The following MYT1L variants were observed in gnomAD, a reference collection of about 807,000 sequenced individuals.
The protein encoded by MYT1L is myelin transcription factor 1 like.
Under a neutral mutation model 126.7 loss-of-function variants are expected in MYT1L, and 12 were observed. That is an observed-to-expected ratio of 0.09 (90% CI 0.06 to 0.15). The LOEUF (loss-of-function observed/expected upper bound fraction) is 0.15, where lower values mean the gene tolerates loss of function less well. Ranked by LOEUF, MYT1L falls within the 10% of genes least tolerant of loss-of-function variation. The pLI, the probability that MYT1L is intolerant of heterozygous loss-of-function variation, is 1.00. For missense variants in MYT1L, 979 were observed against 1,585.2 expected, an observed-to-expected ratio of 0.62 and a Z score of 6.49; for synonymous variants, 541 against 604.2, an observed-to-expected ratio of 0.90 and a Z score of 1.53.
intron 19 of MYT1L, 65 bp from the exon 20 acceptor site, chr2:1,840,908 T>C (rs950964895): frequency 6.6e-5 from 68 of 1,035,942 alleles, no homozygotes; most frequent in Middle Eastern, 3.2e-4. Context: ...TTCTTTCTTT[T>C]TTTTTTTTTT....
chr2:2,189,345 C>G (rs2092426835), intron 2 of MYT1L, among the ~76,000 whole-genome samples: 3 of 152,162 alleles, frequency 2.0e-5, no homozygotes, highest in South Asian at 4.1e-4. Flanking sequence ...GGGGTCTTCC[C>G]TCATGCAACT....
At chr2:1,821,348 C>T (rs987343384) in intron 21 of MYT1L, among the ~76,000 whole-genome samples, 5 of 152,110 alleles carry the variant, frequency 3.3e-5, no homozygotes, top group Middle Eastern at 3.4e-3. Flanking sequence ...CTTTTCTCAT[C>T]TCTTTATAAT....
intron 3 of MYT1L, among the ~76,000 whole-genome samples, chr2:2,091,145 C>T (rs543568787): frequency 6.6e-6 from 1 of 152,290 alleles, no homozygotes; most frequent in East Asian, 1.9e-4. Context: ...TTTCAATTGA[C>T]TTTGCCCAGA....
chr2:2,047,722 T>C (rs547240580), intron 4 of MYT1L, among the ~76,000 whole-genome samples: 146 of 152,336 alleles, frequency 9.6e-4, no homozygotes, highest in African/African-American at 3.4e-3. Flanking sequence ...AAATGGAAGA[T>C]GCTGCTAGTT....
At chr2:1,942,452 C>T (rs2056763653) in intron 9 of MYT1L, among the ~76,000 whole-genome samples, 1 of 152,202 alleles carries the variant, frequency 6.6e-6, no homozygotes, top group Non-Finnish European at 1.5e-5. Flanking sequence ...AGCAATACTA[C>T]TTCCTTTCAT....
At chr2:2,328,390 C>T (rs2149741948) in intron 1 of MYT1L, among the ~76,000 whole-genome samples, 1 of 152,276 alleles carries the variant, frequency 6.6e-6, no homozygotes, top group Non-Finnish European at 1.5e-5. Flanking sequence ...AAAGAAGTCT[C>T]ATTCTCTGAA....
chr2:2,209,015 C>A lies in MYT1L; in HGVS notation c.-420-36027G>T, dbSNP rs12620842. 6.4e-4 allele frequency among the ~76,000 whole-genome samples: 97 copies of A among 152,160 alleles called. 2 individuals are homozygous for A. The East Asian group carries it at 0.018, about 28-fold the overall frequency. ...GGAGGCATTTACACACACACACACA[C>A]ACACACACACCCCAAATAGATTCAA... On this transcript the variant is annotated intron_variant, in intron 2 of 24. Transcript: ENST00000647738.
chr2:1,857,009 C>T (rs2044001422), intron 18 of MYT1L, among the ~76,000 whole-genome samples: 1 of 152,208 alleles, frequency 6.6e-6, no homozygotes, highest in African/African-American at 2.4e-5. Context: ...CCATCACCTG[C>T]AGAGCAAGTG....
chr2:1,992,498 C>T (rs890970455), intron 5 of MYT1L, among the ~76,000 whole-genome samples: 2 of 152,166 alleles, frequency 1.3e-5, no homozygotes, highest in Admixed American at 6.5e-5. Flanking sequence ...GCCTTCTGTC[C>T]GGGAATTCTC....
At chr2:2,286,061 C>A (rs1040349162) in intron 1 of MYT1L, among the ~76,000 whole-genome samples, 1 of 152,172 alleles carries the variant, frequency 6.6e-6, no homozygotes, top group African/African-American at 2.4e-5. Context: ...CAGCTCACTG[C>A]AACCTCTGCC....
intron 3 of MYT1L, among the ~76,000 whole-genome samples, chr2:2,077,443 T>C (rs2075345386): frequency 6.6e-6 from 1 of 152,170 alleles, no homozygotes; most frequent in Non-Finnish European, 1.5e-5. Flanking sequence ...TTTTGAAAGT[T>C]GCAAGATAAA....
chr2:1,981,438 G>A (rs901083628), intron 5 of MYT1L, among the ~76,000 whole-genome samples: 7 of 152,304 alleles, frequency 4.6e-5, no homozygotes, highest in Middle Eastern at 3.4e-3. Context: ...TGAAAGGAAG[G>A]AAAAGAGACT....
At chr2:2,281,536 G>A (rs1333725909) in intron 2 of MYT1L, among the ~76,000 whole-genome samples, 1 of 152,218 alleles carries the variant, frequency 6.6e-6, no homozygotes, top group African/African-American at 2.4e-5. Context: ...GTCAACAACT[G>A]AGGCCAAAAT....
At chr2:2,026,990 G>A (rs1425425921) in intron 4 of MYT1L, among the ~76,000 whole-genome samples, 1 of 152,100 alleles carries the variant, frequency 6.6e-6, no homozygotes, top group Admixed American at 6.5e-5. Context: ...CCCAAGTGAC[G>A]CCCAGAGAAG....
intron 2 of MYT1L, among the ~76,000 whole-genome samples, chr2:2,202,608 T>A (rs1003112786): frequency 1.3e-5 from 2 of 152,142 alleles, no homozygotes; most frequent in Admixed American, 1.3e-4. Context: ...AATAACAGGC[T>A]CTGAAATTGA....
chr2:1,823,325 G>A lies in MYT1L; in HGVS notation c.3081-14158C>T, dbSNP rs535346516. Among the ~76,000 whole-genome samples, 117 of 152,300 alleles carry A rather than the reference G, an allele frequency of 7.7e-4. No individual in the cohort carries two copies. The Middle Eastern group carries it at 0.01, about 13-fold the overall frequency. On this transcript the variant is annotated intron_variant, in intron 21 of 24. Coordinates refer to ENST00000647738, the MANE Select transcript of MYT1L (RefSeq NM_001303052.2). ...TGGCTGTGAGGCTGTTGTTGCTGTG[G>A]TTGTGGCTGCAACCTTCATTGTCAT...
intron 23 of MYT1L, among the ~76,000 whole-genome samples, chr2:1,799,587 C>T (rs1030510833): frequency 6.6e-6 from 1 of 152,238 alleles, no homozygotes; most frequent in African/African-American, 2.4e-5. Flanking sequence ...TGGGTTGCCC[C>T]AGTAGACCAT....
At chr2:2,168,210 C>T (rs2089476218) in intron 3 of MYT1L, among the ~76,000 whole-genome samples, 1 of 152,100 alleles carries the variant, frequency 6.6e-6, no homozygotes, top group African/African-American at 2.4e-5. Context: ...GCACAGGCAT[C>T]CCAGAGGCTC....
intron 13 of MYT1L, among the ~76,000 whole-genome samples, chr2:1,907,260 G>A (rs946774632): frequency 6.6e-6 from 1 of 152,140 alleles, no homozygotes; most frequent in Non-Finnish European, 1.5e-5. Flanking sequence ...AGAAAGGGAT[G>A]TTTGAAGTAA....
Sources: allele counts gnomAD v4.1 joint callset (sites outside exome capture counted in the v4.1 genomes callset), GRCh38; gene constraint gnomAD v4.1.1; transcripts MANE v1.5; gene names NCBI Gene and HGNC (gene_info 2026-07-23, HGNC 2026-07-21).